The following ADGRB3 variants were observed in gnomAD, a reference collection of about 807,000 sequenced individuals.
ADGRB3 encodes the protein brain-specific angiogenesis inhibitor 3.
In ADGRB3, 37 loss-of-function variants were observed where a neutral mutation model predicts 193.4. The observed-to-expected ratio is 0.19, with a 90% confidence interval of 0.15 to 0.25. The LOEUF (loss-of-function observed/expected upper bound fraction) is 0.25, where lower values mean the gene tolerates loss of function less well. Ranked by LOEUF, ADGRB3 falls within the 10% of genes least tolerant of loss-of-function variation. The probability of loss-of-function intolerance (pLI) is 1.00; values close to 1 mark genes in which losing one functional copy is unlikely to be tolerated. For synonymous variants in ADGRB3, 690 were observed against 644.2 expected (o/e 1.07, Z -1.08); for missense variants, 1,637 against 1,852.9 (o/e 0.88, Z 2.14).
chr6:69,216,551 CG>C (rs1272180524), intron 17 of ADGRB3, among the ~76,000 whole-genome samples: 1 of 152,060 alleles, frequency 6.6e-6, no homozygotes, highest in Non-Finnish European at 1.5e-5. Context: ...GAAAAAGTCC[CG>C]AACCACAGAA....
chr6:68,936,352 C>T (rs768415351), intron 4 of ADGRB3, among the ~76,000 whole-genome samples, 167 bp from the exon 5 acceptor site: 2 of 152,066 alleles, frequency 1.3e-5, no homozygotes, highest in Non-Finnish European at 2.9e-5. Flanking sequence ...TATATGCATT[C>T]GTCTTTAAAC....
intron 20 of ADGRB3, among the ~76,000 whole-genome samples, chr6:69,311,059 T>G (rs1349640397): frequency 6.6e-6 from 1 of 151,706 alleles, no homozygotes; most frequent in East Asian, 1.9e-4. Flanking sequence ...ATTAAAACAA[T>G]AACAGGTAGC....
Position 68,848,495 on chromosome 6 carries a change from A to G in ADGRB3, c.758-82064A>G, listed in dbSNP as rs928467128. 2.0e-5 allele frequency among the ~76,000 whole-genome samples: 3 copies of G among 152,030 alleles called. No individual in the cohort carries two copies. The South Asian group carries it at 6.2e-4, about 31-fold the overall frequency. On this transcript the variant is annotated intron_variant, in intron 3 of 31. Coordinates refer to ENST00000370598, the MANE Select transcript of ADGRB3 (RefSeq NM_001704.3). The stretch of plus-strand genomic sequence containing the variant: ...TGACTTGGGAGTGAAAAGTCATACA[A>G]AAAGCAAGTGGCTATGATTCTGCAT...
At chr6:69,292,647 G>C (rs1767713922) in intron 20 of ADGRB3, among the ~76,000 whole-genome samples, 1 of 151,910 alleles carries the variant, frequency 6.6e-6, no homozygotes, top group Non-Finnish European at 1.5e-5. Context: ...CCACCAATGA[G>C]ATCCACTGTA....
chr6:69,345,054 C>T (rs1314137985), intron 26 of ADGRB3, among the ~76,000 whole-genome samples: 1 of 151,538 alleles, frequency 6.6e-6, no homozygotes, highest in Non-Finnish European at 1.5e-5. Context: ...ATACTGATGA[C>T]ATTTGAGGAC....
At chr6:69,089,085 G>T (rs1772632570) in intron 17 of ADGRB3, among the ~76,000 whole-genome samples, 2 of 152,196 alleles carry the variant, frequency 1.3e-5, no homozygotes, top group Admixed American at 1.3e-4. Flanking sequence ...ATTAGTGGAA[G>T]TTCTTTGAAT....
intron 3 of ADGRB3, among the ~76,000 whole-genome samples, chr6:68,810,286 A>G (rs1170047331): frequency 1.3e-5 from 2 of 152,202 alleles, no homozygotes; most frequent in Non-Finnish European, 2.9e-5. Context: ...TCTATAATTT[A>G]AAGTATTCCA....
intron 17 of ADGRB3, among the ~76,000 whole-genome samples, chr6:69,222,786 C>G: frequency 6.6e-6 from 1 of 151,938 alleles, no homozygotes; most frequent in East Asian, 1.9e-4. Context: ...ATTGAACGAG[C>G]TTTTTCACTT....
intron 5 of ADGRB3, among the ~76,000 whole-genome samples, chr6:68,942,264 A>G (rs957981084): frequency 1.3e-5 from 2 of 152,176 alleles, no homozygotes; most frequent in Non-Finnish European, 2.9e-5. Context: ...TAGATGTATT[A>G]TATTTACTTG....
At chr6:69,245,997 C>T (rs1766491645) in intron 20 of ADGRB3, among the ~76,000 whole-genome samples, 1 of 151,986 alleles carries the variant, frequency 6.6e-6, no homozygotes, top group Non-Finnish European at 1.5e-5. Flanking sequence ...GTAGAGTCCC[C>T]CACCCTAGAC....
chr6:69,179,918 T>C (rs1775535361), intron 17 of ADGRB3, among the ~76,000 whole-genome samples: 1 of 152,228 alleles, frequency 6.6e-6, no homozygotes, highest in African/African-American at 2.4e-5. Context: ...GGCAATGGGC[T>C]GATTCATGAA....
intron 3 of ADGRB3, among the ~76,000 whole-genome samples, chr6:68,892,090 T>G (rs1766094157): frequency 6.6e-6 from 1 of 152,238 alleles, no homozygotes; most frequent in Admixed American, 6.5e-5. Context: ...AATACCCTCC[T>G]GCAGCTAGTG....
chr6:69,128,174 AT>A, intron 17 of ADGRB3, among the ~76,000 whole-genome samples: 1 of 152,262 alleles, frequency 6.6e-6, no homozygotes, highest in South Asian at 2.1e-4. Context: ...TATTATCAGT[AT>A]TTAGGACACC....
At chr6:69,320,266 T>C (rs1172416404) in intron 20 of ADGRB3, among the ~76,000 whole-genome samples, 1 of 151,474 alleles carries the variant, frequency 6.6e-6, no homozygotes. Context: ...TATATCTTCA[T>C]GGCTATATTT....
At chr6:68,699,727 C>T (rs190078733) in intron 3 of ADGRB3, among the ~76,000 whole-genome samples, 187 of 151,766 alleles carry the variant, frequency 1.2e-3, no homozygotes, top group Admixed American at 4.2e-3. Context: ...GCATCACCAC[C>T]GAGAGCAGTT....
chr6:69,076,813 C>G (rs1030699923), intron 17 of ADGRB3, among the ~76,000 whole-genome samples: 1 of 151,616 alleles, frequency 6.6e-6, no homozygotes, highest in Non-Finnish European at 1.5e-5. Flanking sequence ...AAAAGTAATC[C>G]CACTCTATAT....
intron 3 of ADGRB3, among the ~76,000 whole-genome samples, chr6:68,790,382 A>C (rs1005685025): frequency 2.6e-5 from 4 of 152,326 alleles, no homozygotes; most frequent in Middle Eastern, 3.4e-3. Flanking sequence ...ACAAACAAAA[A>C]GACAGCACTA....
intron 3 of ADGRB3, among the ~76,000 whole-genome samples, chr6:68,759,214 T>C (rs1047615570): frequency 6.6e-6 from 1 of 152,156 alleles, no homozygotes; most frequent in African/African-American, 2.4e-5. Context: ...TTTATTATTA[T>C]ATAGAGTGTA....
chr6:69,140,172 A>G (rs957526277), intron 17 of ADGRB3, among the ~76,000 whole-genome samples: 1 of 152,218 alleles, frequency 6.6e-6, no homozygotes, highest in African/African-American at 2.4e-5. Flanking sequence ...CTAATTGACA[A>G]TATTATATTG....
Sources: allele counts gnomAD v4.1 joint callset (sites outside exome capture counted in the v4.1 genomes callset), GRCh38; gene constraint gnomAD v4.1.1; transcripts MANE v1.5; gene names NCBI Gene and HGNC (gene_info 2026-07-23, HGNC 2026-07-21).